The following PDE11A variants were observed in gnomAD, a reference collection of about 807,000 sequenced individuals.
The protein encoded by PDE11A is phosphodiesterase 11A, also known as dual 3',5'-cyclic-AMP and -GMP phosphodiesterase 11A.
A neutral mutation model predicts 100.5 loss-of-function variants in PDE11A; 100 were observed. The ratio of observed to expected loss-of-function variants is 1.00; its 90% CI spans 0.85 to 1.18. The LOEUF is 1.18. PDE11A is among the 50% of genes most tolerant of loss of function. The pLI, the probability that PDE11A is intolerant of heterozygous loss-of-function variation, is 0.00. For synonymous variants in PDE11A, 381 were observed against 420.8 expected, an observed-to-expected ratio of 0.91 and a Z score of 1.16; for missense variants, 1,141 against 1,152.6, an observed-to-expected ratio of 0.99 and a Z score of 0.15.
Position 177,898,054 on chromosome 2 carries a change from T to C in PDE11A, c.1302+4A>G, listed in dbSNP as rs1223065827. The C allele has an allele frequency of 6.2e-7, 1 of 1,606,802 alleles. No homozygotes were observed. ...TCAACTTTAAAAGATAAAAGATAAC[T>C]TACTGGTGATTCGATGTCCTCTAGG... On this transcript the variant is annotated splice_donor_region_variant and intron_variant, in intron 4 of 19. Transcript: ENST00000286063.
At chr2:177,781,017 A>G (rs1427733674) in intron 9 of PDE11A, among the ~76,000 whole-genome samples, 3 of 152,252 alleles carry the variant, frequency 2.0e-5, no homozygotes, top group Non-Finnish European at 4.4e-5. Flanking sequence ...CCTAGCTTTC[A>G]GCCTATCTCA....
intron 2 of PDE11A, among the ~76,000 whole-genome samples, chr2:177,929,234 T>C (rs2085174155): frequency 6.6e-6 from 1 of 152,178 alleles, no homozygotes; most frequent in Non-Finnish European, 1.5e-5. Context: ...CCACAGGGTG[T>C]AGGCTCATAC....
At chr2:177,629,677 G>T in intron 19 of PDE11A, 115 bp from the exon 20 acceptor site, 2 of 1,071,252 alleles carry the variant, frequency 1.9e-6, no homozygotes, top group Non-Finnish European at 2.9e-6. Flanking sequence ...AAATGAAAGT[G>T]ATGATTATTT....
intron 6 of PDE11A, among the ~76,000 whole-genome samples, chr2:177,826,765 C>T (rs1241901623): frequency 1.3e-5 from 2 of 152,222 alleles, no homozygotes; most frequent in East Asian, 3.8e-4. Flanking sequence ...ATCCCCCTAA[C>T]TTCTAACCTC....
At chr2:177,996,386 A>G (rs2086075196) in intron 2 of PDE11A, among the ~76,000 whole-genome samples, 1 of 151,818 alleles carries the variant, frequency 6.6e-6, no homozygotes, top group South Asian at 2.1e-4. Flanking sequence ...CAAAAGGATA[A>G]TCACTGTGTC....
intron 2 of PDE11A, chr2:177,922,044 G>A (rs868741313): frequency 2.0e-5 from 3 of 151,994 alleles, no homozygotes; most frequent in African/African-American, 7.2e-5. Context: ...TCCTTCTCAC[G>A]TTCCTTTGCA....
chr2:177,810,631 T>C (rs1030949454), intron 9 of PDE11A, among the ~76,000 whole-genome samples: 4 of 150,650 alleles, frequency 2.7e-5, no homozygotes, highest in Non-Finnish European at 5.9e-5. Context: ...AAGTAGCATA[T>C]AATACTCTTG....
intron 18 of PDE11A, among the ~76,000 whole-genome samples, chr2:177,667,147 C>G (rs1026720716): frequency 9.2e-5 from 14 of 152,208 alleles, no homozygotes; most frequent in African/African-American, 3.4e-4. Context: ...CTCCTGACCT[C>G]AAGTGATCAG....
At chr2:178,036,719 A>C (rs2086619330) in intron 1 of PDE11A, among the ~76,000 whole-genome samples, 1 of 152,184 alleles carries the variant, frequency 6.6e-6, no homozygotes, top group Non-Finnish European at 1.5e-5. Flanking sequence ...ATAACACCAC[A>C]CATCTACAAT....
intron 1 of PDE11A, among the ~76,000 whole-genome samples, chr2:178,040,152 C>A (rs1033604281): frequency 1.3e-5 from 2 of 151,412 alleles, no homozygotes; most frequent in African/African-American, 4.9e-5. Context: ...GCAACCTCCA[C>A]CTTCTGGATT....
chr2:178,074,297 T>C (rs545264652), upstream of PDE11A, among the ~76,000 whole-genome samples: 5 of 152,278 alleles, frequency 3.3e-5, no homozygotes, highest in African/African-American at 9.6e-5. Context: ...ATTGTGGTGA[T>C]AGTTGCACAA....
chr2:177,963,893 C>T (rs1193095530), intron 2 of PDE11A, among the ~76,000 whole-genome samples: 4 of 152,160 alleles, frequency 2.6e-5, no homozygotes, highest in African/African-American at 9.7e-5. Flanking sequence ...GGGAAGTACT[C>T]TGCTTTACTC....
chr2:177,877,783 C>T (rs958972284), intron 4 of PDE11A, among the ~76,000 whole-genome samples: 1 of 151,962 alleles, frequency 6.6e-6, no homozygotes, highest in African/African-American at 2.4e-5. Context: ...TTTTCTGAGC[C>T]CCAATACCCT....
At chr2:178,056,786 AT>A (rs1473914000) in intron 1 of PDE11A, among the ~76,000 whole-genome samples, 1 of 152,182 alleles carries the variant, frequency 6.6e-6, no homozygotes, top group African/African-American at 2.4e-5. Flanking sequence ...ACAAATACTT[AT>A]TTTCATATTA....
rs371810618 is a variant in PDE11A, at chr2:177,663,894, A to T, written c.2618T>A (p.Ile873Asn). The change falls in exon 19 of 20, where the codon ATT becomes AAT. Residue 873 changes from isoleucine to asparagine, a missense_variant. Physicochemically the swap from Ile to Asn is moderately radical, Grantham distance 149 (BLOSUM62 -3). Coordinates refer to ENST00000286063, the MANE Select transcript of PDE11A (RefSeq NM_016953.4). ...DELPRLQLEW[I>N]DSICMPLYQA... ...ATACAAAGGCATGCAGATGCTATCAATCCACTCCAGTTGCAACCGAGGCAG... is the reference window on the plus strand; with the variant it reads ...ATACAAAGGCATGCAGATGCTATCATTCCACTCCAGTTGCAACCGAGGCAG... 3 of 1,608,856 alleles carry T rather than the reference A, an allele frequency of 1.9e-6. No individual in the cohort carries two copies. Among genetic ancestry groups the T allele is most frequent in the South Asian group, 1.1e-5 (1 of 91,002 alleles).
At chr2:177,760,229 T>C (rs1574114137) in intron 10 of PDE11A, among the ~76,000 whole-genome samples, 1 of 152,240 alleles carries the variant, frequency 6.6e-6, no homozygotes, top group South Asian at 2.1e-4. Context: ...AATGGACATG[T>C]ACCTGTTTTT....
intron 19 of PDE11A, among the ~76,000 whole-genome samples, chr2:177,630,310 G>A (rs2079899285): frequency 6.6e-6 from 1 of 152,186 alleles, no homozygotes; most frequent in South Asian, 2.1e-4. Flanking sequence ...TTTTGTGTGT[G>A]TGTGTTTTTA....
intron 15 of PDE11A, among the ~76,000 whole-genome samples, chr2:177,692,198 T>C (rs1309457199): frequency 6.6e-6 from 1 of 152,184 alleles, no homozygotes; most frequent in Non-Finnish European, 1.5e-5. Context: ...AAAGTATTAG[T>C]TGTTGTTTTT....
intron 13 of PDE11A, among the ~76,000 whole-genome samples, chr2:177,708,540 G>A (rs1243055816): frequency 6.6e-6 from 1 of 152,152 alleles, no homozygotes; most frequent in African/African-American, 2.4e-5. Context: ...TAATACCTGG[G>A]TAATGAAATA....
Sources: gnomAD v4.1 joint callset for allele counts (sites outside exome capture counted in the v4.1 genomes callset) on GRCh38, gnomAD v4.1.1 for gene constraint, MANE v1.5 for transcripts, NCBI Gene and HGNC (gene_info 2026-07-23, HGNC 2026-07-21) for gene names.